Variants in PCDH18 observed in about 807,000 individuals in gnomAD.
PCDH18 encodes the protein protocadherin 18.
PCDH18 carries 38 observed loss-of-function variants against 71.5 expected under a neutral mutation model. The observed-to-expected ratio is 0.53, with a 90% CI of 0.41 to 0.70. The LOEUF is 0.70. Among genes scored for constraint, PCDH18 ranks in the 30% least tolerant of loss-of-function variants. The probability of loss-of-function intolerance (pLI) is 0.00; values close to 1 mark genes in which losing one functional copy is unlikely to be tolerated. For synonymous variants in PCDH18, 565 were observed against 505.4 expected, an observed-to-expected ratio of 1.12 and a Z score of -1.58; for missense variants, 1,334 against 1,384.6, an observed-to-expected ratio of 0.96 and a Z score of 0.58.
chr4:137,529,398 G>T, intron 1 of PCDH18: 1 of 466,292 alleles, frequency 2.1e-6, no homozygotes, highest in Non-Finnish European at 3.8e-6. Flanking sequence ...CATATTATAT[G>T]AAGTTATTTA....
chr4:137,530,339 T>G lies in PCDH18; in HGVS notation c.1750A>C (p.Asn584His). The G allele has an allele frequency of 6.2e-7, 1 of 1,613,554 alleles. No individual in the cohort carries two copies. The change falls in exon 1 of 4, where the codon AAT becomes CAT. Residue 584 changes from asparagine (N) to histidine (H), a missense_variant. Coordinates refer to ENST00000344876, the MANE Select transcript of PCDH18 (RefSeq NM_019035.5). ...TTGGGAATGGTGATTTCTGCCGTAT[T>G]ATTACGCAATGCAGGCCCTATAACC... is the stretch of plus-strand genomic sequence containing the variant. ...PVVIGPALRN[N>H]TAEITIPKGA...
rs200901920 is a variant in PCDH18 at position 137,530,345 on chromosome 4, G to T, written c.1744C>A (p.Arg582Ser). The change falls in exon 1 of 4, where the codon CGT (arginine) becomes AGT (serine). Residue 582 changes from arginine to serine, a missense_variant. This residue lies in a region of PCDH18 where 1,011 missense variants were observed against 1,048.0 expected (regional missense o/e 0.96). Coordinates refer to ENST00000344876, the MANE Select transcript of PCDH18 (RefSeq NM_019035.5). ...NVPVVIGPAL[R>S]NNTAEITIPK... is the part of the protein sequence containing the mutation. ...ATGGTGATTTCTGCCGTATTATTAC[G>T]CAATGCAGGCCCTATAACCACAGGA... 1.1e-5 allele frequency: 17 copies of T among 1,613,286 alleles called. No homozygotes were observed. The highest frequency in any genetic ancestry group is 6.7e-5 in the Admixed American group (4 of 59,966).
Position 137,520,868 on chromosome 4 carries a change from T to C in PCDH18, c.*161A>G. ...ACAGATTAAAATAATCACACTTGCA[T>C]TGTGTACATACGAAAATACAGTATT... On this transcript the variant is annotated 3_prime_UTR_variant, in exon 4 of 4. Transcript: ENST00000344876. The C allele has an allele frequency of 1.8e-6, 1 of 548,670 alleles. No homozygotes were observed. Among genetic ancestry groups the C allele is most frequent in the Non-Finnish European group, 3.2e-6 (1 of 310,506 alleles). 34.0% of individuals were successfully genotyped at this position (548,670 alleles called of 1,614,324 possible).
In PCDH18 at chr4:137,521,604, T is replaced by G. The variant is rs1257646354; in HGVS notation, c.2833A>C (p.Ser945Arg). The stretch of plus-strand genomic sequence containing the variant: ...TCTTCCCCTGGAATGAACATGTTAC[T>G]CCTATAATCAGAAGACGGTGAGGGC... ...PLPSPSSDYR[S>R]NMFIPGEEFP... Residue 945 changes from serine (S) to arginine (R), a missense_variant, in exon 4 of 4, where the codon AGT (serine) becomes CGT (arginine). Physicochemically the swap from Ser to Arg is moderately radical, Grantham distance 110. Transcript: ENST00000344876. 6.2e-7 allele frequency: 1 copy of G among 1,613,740 alleles called. No individual in the cohort carries two copies. The highest frequency in any genetic ancestry group is 1.3e-5 in the African/African-American group (1 of 74,874).
chr4:137,523,207 C>G (rs10004843), intron 3 of PCDH18, among the ~76,000 whole-genome samples: 82,521 of 151,936 alleles, frequency 0.54, 24,704 homozygotes, highest in African/African-American at 0.82. Flanking sequence ...AGAGAAAGAG[C>G]GTAAGCATGA....
intron 3 of PCDH18, 146 bp downstream of exon 3, chr4:137,528,332 C>T (rs748971629): frequency 1.1e-4 from 72 of 629,186 alleles, no homozygotes; most frequent in Non-Finnish European, 1.8e-4. Context: ...CATTACTAAA[C>T]AGTGATGAAC....
Position 137,530,035 on chromosome 4 carries a change from C to G in PCDH18, c.2054G>C (p.Ser685Thr), listed in dbSNP as rs1255117074. Residue 685 changes from serine to threonine, a missense_variant, in exon 1 of 4, where the codon AGT becomes ACT. This residue lies in a region of PCDH18 where 1,011 missense variants were observed against 1,048.0 expected (regional missense o/e 0.96). Transcript: ENST00000344876. ...CTGGCTTACTGAAGTCATTGCTGTA[C>G]TTGTCACCGACTCTGCATATTCAAA... ...MIFEYAESVT[S>T]TAMTSVSQAS... is the part of the protein sequence containing the mutation. 6.2e-7 allele frequency: 1 copy of G among 1,614,004 alleles called. No homozygotes were observed. The highest frequency in any genetic ancestry group is 1.3e-5 in the African/African-American group (1 of 74,930).
At position 137,529,968 on chromosome 4, in the gene PCDH18, T is replaced by C. The variant is rs1319626968; in HGVS notation, c.2121A>G (p.Gly707=). Residue 707 remains glycine, a synonymous_variant, in exon 1 of 4, where the codon GGA becomes GGG. Coordinates refer to ENST00000344876, the MANE Select transcript of PCDH18 (RefSeq NM_019035.5). ...TAACCAGCAACACTGCACAAATTGC[T>C]CCTAAGGAAATAATTATTATCATGG... ...DVSMIIIISL[G]AICAVLLVIM... 1.2e-6 allele frequency: 2 copies of C among 1,613,640 alleles called. No homozygotes were observed. The highest frequency in any genetic ancestry group is 1.3e-5 in the African/African-American group (1 of 74,882).
chr4:137,525,608 C>A (rs1267474859), intron 3 of PCDH18, among the ~76,000 whole-genome samples: 2 of 152,108 alleles, frequency 1.3e-5, no homozygotes, highest in Admixed American at 1.3e-4. Flanking sequence ...TGTATAGATA[C>A]ACAGTATGCA....
At chr4:137,528,042 C>T (rs1667665956) in intron 3 of PCDH18, among the ~76,000 whole-genome samples, 1 of 152,086 alleles carries the variant, frequency 6.6e-6, no homozygotes, top group Non-Finnish European at 1.5e-5. Flanking sequence ...AGTTGGTGCC[C>T]ATCACAGGAA....
In PCDH18 at chr4:137,519,071, A is replaced by G. The variant is rs970313370; in HGVS notation, c.*1958T>C. ...TTAATGGTAATATATACTGAAAGGA[A>G]GTGAAGTTGAAAGGCAGAATGCATT... On this transcript the variant is annotated 3_prime_UTR_variant, in exon 4 of 4. Transcript: ENST00000344876. The G allele has an allele frequency of 6.6e-6, 1 of 152,216 alleles. No individual in the cohort carries two copies. Among genetic ancestry groups the G allele is most frequent in the East Asian group, 1.9e-4 (1 of 5,192 alleles). The allele number at this position is 152,216 out of a possible 1,614,324, so 9.4% of individuals were successfully genotyped here. A position where few individuals can be genotyped will look rare whatever the true frequency, so the allele number is the denominator to read the frequency against.
intron 3 of PCDH18, among the ~76,000 whole-genome samples, chr4:137,523,964 G>C (rs1032853725): frequency 6.6e-6 from 1 of 152,144 alleles, no homozygotes; most frequent in Non-Finnish European, 1.5e-5. Flanking sequence ...AGAAATGGAA[G>C]AGTAACGGTG....
At chr4:137,522,303 A>G (rs992258951) in intron 3 of PCDH18, among the ~76,000 whole-genome samples, 37 of 152,184 alleles carry the variant, frequency 2.4e-4, no homozygotes, top group African/African-American at 8.4e-4. Flanking sequence ...GTTTTCTTTT[A>G]AAGATTCAAA....
rs372447567 is a variant in PCDH18 at position 137,521,294 on chromosome 4, C to G, written c.3143G>C (p.Gly1048Ala). 50 of 1,614,004 alleles carry G rather than the reference C, an allele frequency of 3.1e-5. No homozygotes were observed. Among genetic ancestry groups the G allele is most frequent in the Admixed American group, 6.7e-5 (4 of 60,002 alleles). ...RKGPLPAKTV[G>A]YPQGVAAWAA... Reference sequence around the variant, plus strand: ...CCATGCCGCTACCCCCTGTGGGTAACCCACAGTTTTGGCTGGCAAGGGTCC... The same window carrying G: ...CCATGCCGCTACCCCCTGTGGGTAAGCCACAGTTTTGGCTGGCAAGGGTCC... The change falls in exon 4 of 4, where the codon GGT becomes GCT. Residue 1048 changes from glycine to alanine, a missense_variant. Physicochemically the swap from Gly to Ala is moderately conservative, Grantham distance 60. Coordinates refer to ENST00000344876, the MANE Select transcript of PCDH18 (RefSeq NM_019035.5).
chr4:137,529,940 T>C lies in PCDH18; in HGVS notation c.2149A>G (p.Met717Val), dbSNP rs1320973331. The change falls in exon 1 of 4, where the codon ATG becomes GTG. Residue 717 changes from methionine (M) to valine (V), a missense_variant. Physicochemically the swap from Met to Val is conservative, Grantham distance 21. This residue lies in a region of PCDH18 where 1,011 missense variants were observed against 1,048.0 expected (regional missense o/e 0.96). Transcript: ENST00000344876. ...TTACACCTAGTTGCAAATAGCACCA[T>C]AATAACCAGCAACACTGCACAAATT... ...GAICAVLLVI[M>V]VLFATRCNRE... is the part of the protein sequence containing the mutation. 13 of 1,613,940 alleles carry C rather than the reference T, an allele frequency of 8.1e-6. No homozygotes were observed. Among genetic ancestry groups the C allele is most frequent in the Non-Finnish European group, 1.1e-5 (13 of 1,179,916 alleles).
Position 137,521,670 on chromosome 4 carries a change from T to C in PCDH18, c.2767A>G (p.Arg923Gly). ...CACTGGTCAGAGTGTCCCAGGACCC[T>C]GCACTCCTCCGTGCAGAGTCTCATA... Reference protein sequence around the residue: ...AAMRLCTEECRVLGHSDQCWM... With the variant: ...AAMRLCTEECGVLGHSDQCWM... Residue 923 changes from arginine (R) to glycine (G), a missense_variant, in exon 4 of 4, where the codon AGG becomes GGG. Physicochemically the swap from Arg to Gly is moderately radical, Grantham distance 125. This residue lies in a region of PCDH18 where 319 missense variants were observed against 316.3 expected (regional missense o/e 1.01). Transcript: ENST00000344876. 6.2e-7 allele frequency: 1 copy of C among 1,609,218 alleles called. No homozygotes were observed. The highest frequency in any genetic ancestry group is 8.5e-7 in the Non-Finnish European group (1 of 1,179,348).
chr4:137,527,984 AT>A (rs1731528614), intron 3 of PCDH18, among the ~76,000 whole-genome samples: 2 of 152,262 alleles, frequency 1.3e-5, no homozygotes, highest in Admixed American at 1.3e-4. Context: ...CCTATTTTTA[AT>A]GCTTGAAGTG....
In PCDH18 at chr4:137,531,074, T is replaced by C. The variant is rs1340519826; in HGVS notation, c.1015A>G (p.Lys339Glu). ...LGPNSIPAHC[K>E]IIIKVVDVND... ...ACATCCACAACCTTAATTATAATTTTGCAATGGGCTGGGATTGAATTTGGA... is the reference window on the plus strand; with the variant it reads ...ACATCCACAACCTTAATTATAATTTCGCAATGGGCTGGGATTGAATTTGGA... Residue 339 changes from lysine (K) to glutamate (E), a missense_variant, in exon 1 of 4, where the codon AAA becomes GAA. By Grantham distance (56) the Lys-to-Glu change is moderately conservative (BLOSUM62 1). This residue lies in a region of PCDH18 where 1,011 missense variants were observed against 1,048.0 expected (regional missense o/e 0.96). Coordinates refer to ENST00000344876, the MANE Select transcript of PCDH18 (RefSeq NM_019035.5). 5 of 1,612,124 alleles carry C rather than the reference T, an allele frequency of 3.1e-6. No homozygotes were observed. Among genetic ancestry groups the C allele is most frequent in the Non-Finnish European group, 4.2e-6 (5 of 1,179,002 alleles).
chr4:137,529,864 G>T lies in PCDH18; in HGVS notation c.2225C>A (p.Thr742Asn). Reference protein sequence around the residue: ...RSYNCRVAESTYQHHPKRPSR... With the variant: ...RSYNCRVAESNYQHHPKRPSR... ...TGGCCTTTTTGGGTGGTGCTGGTAA[G>T]TTGATTCGGCCACCCTGCAGTTATA... The change falls in exon 1 of 4, where the codon ACT (threonine) becomes AAT (asparagine). Residue 742 changes from threonine to asparagine, a missense_variant. Thr to Asn is a moderately conservative substitution (Grantham distance 65). Coordinates refer to ENST00000344876, the MANE Select transcript of PCDH18 (RefSeq NM_019035.5). The T allele has an allele frequency of 1.2e-6, 2 of 1,613,612 alleles. No individual in the cohort carries two copies. Among genetic ancestry groups the T allele is most frequent in the Middle Eastern group, 3.3e-4 (2 of 6,054 alleles).
Sources: allele counts gnomAD v4.1 joint callset (sites outside exome capture counted in the v4.1 genomes callset), GRCh38; gene constraint gnomAD v4.1.1; regional missense constraint gnomAD v4.1.1; transcripts MANE v1.5; gene names NCBI Gene and HGNC (gene_info 2026-07-23, HGNC 2026-07-21).